ABTB2: variants seen among roughly 807,000 people sequenced by gnomAD.
The protein encoded by ABTB2 is ankyrin repeat and BTB domain containing 2.
Under a neutral mutation model 104.1 loss-of-function variants are expected in ABTB2, and 56 were observed. The ratio of observed to expected loss-of-function variants is 0.54; its 90% CI spans 0.43 to 0.67. The LOEUF (loss-of-function observed/expected upper bound fraction) is 0.67, where lower values mean the gene tolerates loss of function less well. ABTB2 is among the 30% of genes least tolerant of loss of function. The probability of loss-of-function intolerance (pLI) is 0.00; values close to 1 mark genes in which losing one functional copy is unlikely to be tolerated. For synonymous variants in ABTB2, 606 were observed against 608.2 expected (o/e 1.00, Z 0.05); for missense variants, 1,279 against 1,407.7 (o/e 0.91, Z 1.46).
chr11:34,334,488 A>G, intron 1 of ABTB2, among the ~76,000 whole-genome samples: 1 of 152,172 alleles, frequency 6.6e-6, no homozygotes, highest in Non-Finnish European at 1.5e-5. Flanking sequence ...AGAACCCACT[A>G]ATTTTTTAAC....
At chr11:34,338,069 C>T (rs1031474314) in intron 1 of ABTB2, among the ~76,000 whole-genome samples, 8 of 151,984 alleles carry the variant, frequency 5.3e-5, no homozygotes, top group East Asian at 1.9e-4. Context: ...CTAGAATCGC[C>T]GCAAGAGTTG....
intron 1 of ABTB2, among the ~76,000 whole-genome samples, chr11:34,345,308 T>C (rs937994041): frequency 6.6e-6 from 1 of 152,154 alleles, no homozygotes; most frequent in African/African-American, 2.4e-5. Flanking sequence ...TGCCTAGAGC[T>C]GTCTTCTCCA....
intron 3 of ABTB2, among the ~76,000 whole-genome samples, chr11:34,187,447 G>C (rs536780264): frequency 6.6e-6 from 1 of 150,866 alleles, no homozygotes; most frequent in East Asian, 1.9e-4. Flanking sequence ...AATGGGCCTC[G>C]TTTAACAAGC....
intron 1 of ABTB2, among the ~76,000 whole-genome samples, chr11:34,230,130 A>C (rs2955954): frequency 1.3e-5 from 2 of 152,030 alleles, no homozygotes; most frequent in African/African-American, 2.4e-5. Context: ...CGCACTCAGC[A>C]CTCGCATATG....
chr11:34,248,115 A>C (rs1180300503), intron 1 of ABTB2, among the ~76,000 whole-genome samples: 13 of 76,270 alleles, frequency 1.7e-4, no homozygotes, highest in East Asian at 9.0e-4. Flanking sequence ...AAAAAAAAAA[A>C]AAAAAAACAG....
At chr11:34,299,574 C>A (rs1409965853) in intron 1 of ABTB2, among the ~76,000 whole-genome samples, 2 of 152,170 alleles carry the variant, frequency 1.3e-5, no homozygotes, top group African/African-American at 4.8e-5. Context: ...TAGGAGCCTG[C>A]CAGCCCACCA....
At chr11:34,269,512 T>C (rs1212312927) in intron 1 of ABTB2, among the ~76,000 whole-genome samples, 1 of 152,144 alleles carries the variant, frequency 6.6e-6, no homozygotes, top group African/African-American at 2.4e-5. Context: ...AGGTAGCAAA[T>C]ACTTTATGCT....
chr11:34,201,168 G>C (rs1217780803), intron 2 of ABTB2, among the ~76,000 whole-genome samples: 1 of 152,082 alleles, frequency 6.6e-6, no homozygotes, highest in Non-Finnish European at 1.5e-5. Flanking sequence ...GCATGGCAGG[G>C]ACTCAGAGCT....
At chr11:34,337,667 A>G (rs1855207824) in intron 1 of ABTB2, among the ~76,000 whole-genome samples, 1 of 152,154 alleles carries the variant, frequency 6.6e-6, no homozygotes, top group Non-Finnish European at 1.5e-5. Context: ...AGGATAAATA[A>G]TGTGACCTAC....
At chr11:34,299,855 C>T (rs984401085) in intron 1 of ABTB2, among the ~76,000 whole-genome samples, 43 of 152,256 alleles carry the variant, frequency 2.8e-4, no homozygotes, top group African/African-American at 1.0e-3. Flanking sequence ...AGCCTTGCTC[C>T]ACCACTTAGC....
At chr11:34,188,714 G>A (rs1041941804) in intron 3 of ABTB2, among the ~76,000 whole-genome samples, 4 of 152,202 alleles carry the variant, frequency 2.6e-5, no homozygotes, top group African/African-American at 9.7e-5. Flanking sequence ...GTAGCATAAA[G>A]CCACCACTGC....
At chr11:34,309,382 T>C (rs1246458930) in intron 1 of ABTB2, among the ~76,000 whole-genome samples, 2 of 152,210 alleles carry the variant, frequency 1.3e-5, no homozygotes, top group African/African-American at 4.8e-5. Context: ...CTTATGCCAA[T>C]GACTTCCAGA....
intron 1 of ABTB2, among the ~76,000 whole-genome samples, chr11:34,227,727 T>A (rs1853705976): frequency 1.3e-5 from 2 of 152,130 alleles, no homozygotes; most frequent in Non-Finnish European, 2.9e-5. Flanking sequence ...TGTAACTTTT[T>A]TTTTCTTCTT....
chr11:34,183,337 C>G (rs370517811), intron 3 of ABTB2, among the ~76,000 whole-genome samples: 1 of 152,204 alleles, frequency 6.6e-6, no homozygotes, highest in African/African-American at 2.4e-5. Context: ...TGGACTCAAG[C>G]CAACTGCCTA....
chr11:34,162,893 A>C, intron 9 of ABTB2, 88 bp from the exon 10 acceptor site: 1 of 1,302,882 alleles, frequency 7.7e-7, no homozygotes, highest in Non-Finnish European at 1.1e-6. Flanking sequence ...TCCTGCCCCG[A>C]CGGGCTGCTC....
At chr11:34,265,931 T>C (rs1854243658) in intron 1 of ABTB2, among the ~76,000 whole-genome samples, 1 of 152,048 alleles carries the variant, frequency 6.6e-6, no homozygotes, top group Non-Finnish European at 1.5e-5. Flanking sequence ...ATCACGCCAC[T>C]GCATTCCAGC....
intron 1 of ABTB2, among the ~76,000 whole-genome samples, chr11:34,287,896 CCA>C: frequency 6.6e-6 from 1 of 152,256 alleles, no homozygotes; most frequent in South Asian, 2.1e-4. Flanking sequence ...GATGCATGTT[CCA>C]CAGTCAGAGA....
chr11:34,159,350 A>T lies in ABTB2; in HGVS notation c.2643T>A (p.Asp881Glu). 1 of 1,614,022 alleles carries T rather than the reference A, an allele frequency of 6.2e-7. No individual in the cohort carries two copies. Among genetic ancestry groups the T allele is most frequent in the Non-Finnish European group, 8.5e-7 (1 of 1,179,948 alleles). Residue 881 changes from aspartate to glutamate, a missense_variant, in exon 14 of 17, where the codon GAT becomes GAA. By Grantham distance (45) the Asp-to-Glu change is conservative. Coordinates refer to ENST00000435224, the MANE Select transcript of ABTB2 (RefSeq NM_145804.3). Reference sequence around the variant, plus strand: ...TCTCGATGGTCTTGCTGCTGTCCCCATCCTGTTCTGATTTATTGGTCATTA... The same window carrying T: ...TCTCGATGGTCTTGCTGCTGTCCCCTTCCTGTTCTGATTTATTGGTCATTA... ...KTLMTNKSEQ[D>E]GDSSKTIEIS...
chr11:34,239,784 TG>T (rs2133062411), intron 1 of ABTB2, among the ~76,000 whole-genome samples: 1 of 152,282 alleles, frequency 6.6e-6, no homozygotes, highest in East Asian at 1.9e-4. Flanking sequence ...CACTGACATT[TG>T]GGGGGCCAAC....
Sources: gnomAD v4.1 joint callset for allele counts (sites outside exome capture counted in the v4.1 genomes callset) on GRCh38, gnomAD v4.1.1 for gene constraint, MANE v1.5 for transcripts, NCBI Gene and HGNC (gene_info 2026-07-23, HGNC 2026-07-21) for gene names.